The following PALM variants were observed in gnomAD, a reference collection of about 807,000 sequenced individuals.
PALM encodes paralemmin.
A neutral mutation model predicts 30.7 loss-of-function variants in PALM; 18 were observed. The observed-to-expected ratio is 0.59, with a 90% CI of 0.41 to 0.87. The LOEUF (loss-of-function observed/expected upper bound fraction) is 0.87, where lower values mean the gene tolerates loss of function less well. Among genes scored for constraint, PALM ranks in the 40% least tolerant of loss-of-function variants. The pLI, the probability that PALM is intolerant of heterozygous loss-of-function variation, is 0.00. For synonymous variants in PALM, 286 were observed against 242.8 expected (o/e 1.18, Z -1.66); for missense variants, 529 against 555.4 (o/e 0.95, Z 0.48).
intron 1 of PALM, among the ~76,000 whole-genome samples, chr19:714,548 T>G (rs1006796988): frequency 2.0e-4 from 30 of 146,948 alleles, no homozygotes; most frequent in Non-Finnish European, 3.3e-4. Context: ...TTAGTAGAGA[T>G]GGGGTTTCAC....
At chr19:736,117 G>A (rs755088361) in intron 7 of PALM, 39 bp downstream of exon 7, 30 of 1,506,880 alleles carry the variant, frequency 2.0e-5, no homozygotes, top group Middle Eastern at 1.7e-4. Context: ...AGATCCAGCC[G>A]CTGTCAGGGA....
chr19:724,522 T>C (rs529951960), intron 1 of PALM, among the ~76,000 whole-genome samples: 2 of 152,094 alleles, frequency 1.3e-5, no homozygotes, highest in Non-Finnish European at 2.9e-5. Flanking sequence ...GGTTTCACCA[T>C]GTTGGGCAGG....
intron 8 of PALM, among the ~76,000 whole-genome samples, chr19:744,442 G>A (rs964439718): frequency 1.2e-4 from 18 of 151,426 alleles, no homozygotes; most frequent in South Asian, 4.2e-4. Flanking sequence ...CATCTAACTC[G>A]TAGGACACAG....
chr19:732,757 T>C (rs2032912328), intron 5 of PALM, among the ~76,000 whole-genome samples: 1 of 150,836 alleles, frequency 6.6e-6, no homozygotes, highest in Non-Finnish European at 1.5e-5. Flanking sequence ...GGTGGGAAGA[T>C]GGCGTGTATT....
At chr19:736,350 C>T (rs984374699) in intron 7 of PALM, among the ~76,000 whole-genome samples, 3 of 152,194 alleles carry the variant, frequency 2.0e-5, no homozygotes, top group South Asian at 4.1e-4. Flanking sequence ...CGCGACCTCA[C>T]GGCTTTCATT....
At chr19:718,283 G>T (rs1288926257) in intron 1 of PALM, among the ~76,000 whole-genome samples, 1 of 152,248 alleles carries the variant, frequency 6.6e-6, no homozygotes, top group African/African-American at 2.4e-5. Context: ...TAAATGAGGA[G>T]GTGACGTCTG....
intron 1 of PALM, among the ~76,000 whole-genome samples, chr19:712,275 G>A (rs182594650): frequency 6.6e-6 from 1 of 151,806 alleles, no homozygotes; most frequent in Non-Finnish European, 1.5e-5. Context: ...CGCCTGCCTC[G>A]GCCTCCCCAA....
chr19:719,187 C>T (rs943522134), intron 1 of PALM: 3 of 985,302 alleles, frequency 3.0e-6, no homozygotes, highest in Non-Finnish European at 3.6e-6. Flanking sequence ...ACGAGTGCGA[C>T]GCCCCCATCC....
chr19:714,358 C>CT (rs34617281), intron 1 of PALM, among the ~76,000 whole-genome samples: 11,124 of 104,600 alleles, frequency 0.11, 836 homozygotes, highest in East Asian at 0.23. Context: ...TTTTTTCTTT[C>CT]TTTTTTTTTT....
At chr19:741,250 C>T (rs1172870124) in intron 8 of PALM, among the ~76,000 whole-genome samples, 6 of 152,112 alleles carry the variant, frequency 3.9e-5, no homozygotes, top group Non-Finnish European at 7.4e-5. Context: ...CCGGGGGAGG[C>T]TTCCCAGAGG....
chr19:726,998 C>G lies in PALM; in HGVS notation c.58-10C>G. On this transcript the variant is annotated splice_polypyrimidine_tract_variant and intron_variant, in intron 2 of 8. Coordinates refer to ENST00000338448, the MANE Select transcript of PALM (RefSeq NM_002579.3). ...CGCCCATCCCTGACCCCACCCGGCCCTCCCCACAGGAGAAGCGGAAGCGGC... is the reference window on the plus strand; with the variant it reads ...CGCCCATCCCTGACCCCACCCGGCCGTCCCCACAGGAGAAGCGGAAGCGGC... 1.4e-6 allele frequency: 2 copies of G among 1,460,796 alleles called. No homozygotes were observed. Among genetic ancestry groups the G allele is most frequent in the Non-Finnish European group, 1.9e-6 (2 of 1,070,946 alleles). The allele number at this position is 1,460,796 out of a possible 1,614,324, so 90.5% of individuals were successfully genotyped here.
At chr19:710,651 G>GCCCCCCCCCCCCCCCCCCCCCCCCC (rs763250940) in intron 1 of PALM, among the ~76,000 whole-genome samples, 4 of 114,160 alleles carry the variant, frequency 3.5e-5, no homozygotes, top group Non-Finnish European at 3.6e-5. Context: ...AGGAGCTGCT[G>GCCCCCCCCCCCCCCCCCCCCCCCCC]CCCCCCCCCC....
rs1033822245 is a variant in PALM at position 727,804 on chromosome 19, G to A, written c.269+110G>A. Reference sequence around the variant, plus strand: ...CGTCAGTGTGCTTTGAGGGAGATGCGTGGACCGGGCAGGCCAGGACCCAAC... The same window carrying A: ...CGTCAGTGTGCTTTGAGGGAGATGCATGGACCGGGCAGGCCAGGACCCAAC... On this transcript the variant is annotated intron_variant, in intron 4 of 8. Transcript: ENST00000338448. 41 of 1,044,190 alleles carry A rather than the reference G, an allele frequency of 3.9e-5. No individual in the cohort carries two copies. The African/African-American group carries it at 4.1e-4, about 11-fold the overall frequency. The allele number at this position is 1,044,190 out of a possible 1,614,324, so 64.7% of individuals were successfully genotyped here. A position where few individuals can be genotyped will look rare whatever the true frequency, so the allele number is the denominator to read the frequency against.
chr19:716,835 T>A (rs2032277628), intron 1 of PALM, among the ~76,000 whole-genome samples: 1 of 152,122 alleles, frequency 6.6e-6, no homozygotes. Context: ...TCTGTATGTA[T>A]ATCATTCTTA....
At chr19:718,347 C>G (rs1378175423) in intron 1 of PALM, among the ~76,000 whole-genome samples, 1 of 152,148 alleles carries the variant, frequency 6.6e-6, no homozygotes, top group African/African-American at 2.4e-5. Context: ...GTGCACCAGG[C>G]AGCAATGCAG....
rs760882416 is a variant in PALM, at chr19:740,317, C to A, written c.503-35C>A. The A allele has an allele frequency of 2.0e-6, 3 of 1,524,830 alleles. No homozygotes were observed. In the African/African-American group the frequency reaches 4.1e-5, roughly 21 times the overall value. 94.5% of individuals were successfully genotyped at this position (1,524,830 alleles called of 1,614,324 possible). A position where few individuals can be genotyped will look rare whatever the true frequency, so the allele number is the denominator to read the frequency against. ...CCCGGCGGGGGGGTGCGGGGGCGGGCAGGCCGTGGTGTAACCCCGTGACTC... is the reference window on the plus strand; with the variant it reads ...CCCGGCGGGGGGGTGCGGGGGCGGGAAGGCCGTGGTGTAACCCCGTGACTC... On this transcript the variant is annotated intron_variant, in intron 7 of 8. Transcript: ENST00000338448.
intron 1 of PALM, chr19:719,178 C>T: frequency 2.0e-6 from 2 of 985,348 alleles, no homozygotes; most frequent in Non-Finnish European, 2.4e-6. Flanking sequence ...TCTGGAAGGA[C>T]GAGTGCGACG....
At chr19:710,661 C>A (rs185966911) in intron 1 of PALM, among the ~76,000 whole-genome samples, 1,125 of 91,984 alleles carry the variant, frequency 0.012, 8 homozygotes, top group African/African-American at 0.048. Context: ...GCCCCCCCCC[C>A]ACCCCCCCTC....
intron 1 of PALM, among the ~76,000 whole-genome samples, chr19:711,469 A>C (rs567350335): frequency 6.6e-6 from 1 of 152,220 alleles, no homozygotes; most frequent in African/African-American, 2.4e-5. Flanking sequence ...AGACCTGGAA[A>C]TTTTCAATAG....
Sources: gnomAD v4.1 joint callset for allele counts (sites outside exome capture counted in the v4.1 genomes callset) on GRCh38, gnomAD v4.1.1 for gene constraint, MANE v1.5 for transcripts, NCBI Gene and HGNC (gene_info 2026-07-23, HGNC 2026-07-21) for gene names.